PHACTR3: variants seen among roughly 807,000 people sequenced by gnomAD.
PHACTR3 encodes protein phosphatase 1, regulatory subunit 123.
In PHACTR3, 16 loss-of-function variants were observed where a neutral mutation model predicts 66.8. The observed-to-expected ratio is 0.24, with a 90% CI of 0.16 to 0.36. PHACTR3 has a LOEUF of 0.36. Ranked by LOEUF, PHACTR3 falls within the 10% of genes least tolerant of loss-of-function variation. PHACTR3 has a pLI of 1.00. For synonymous variants in PHACTR3, 323 were observed against 292.1 expected, an observed-to-expected ratio of 1.11 and a Z score of -1.08; for missense variants, 647 against 719.9, an observed-to-expected ratio of 0.90 and a Z score of 1.16.
rs536032943 is a variant in PHACTR3 at position 59,805,984 on chromosome 20, G to A, written c.1175-57G>A. ...GGCTCCATTGACAAGCCAGCCCTCC[G>A]CTAAGACCTGTCTCCTTTGTTCCCT... On this transcript the variant is annotated intron_variant, in intron 7 of 12. Coordinates refer to ENST00000371015, the MANE Select transcript of PHACTR3 (RefSeq NM_080672.5). 9 of 1,561,514 alleles carry A rather than the reference G, an allele frequency of 5.8e-6. No individual in the cohort carries two copies. The South Asian group carries it at 7.3e-5, about 13-fold the overall frequency.
intron 8 of PHACTR3, among the ~76,000 whole-genome samples, chr20:59,817,287 G>C (rs961192575): frequency 1.3e-5 from 2 of 152,178 alleles, no homozygotes; most frequent in Non-Finnish European, 2.9e-5. Flanking sequence ...TCCAGGCCAG[G>C]GTCTGCATAC....
chr20:59,646,696 C>T (rs2035291776), intron 1 of PHACTR3, among the ~76,000 whole-genome samples: 2 of 152,310 alleles, frequency 1.3e-5, no homozygotes, highest in South Asian at 4.1e-4. Context: ...CATGCATCCC[C>T]CAGGAACATG....
chr20:59,826,074 T>C (rs2042182488), intron 8 of PHACTR3, among the ~76,000 whole-genome samples: 2 of 152,016 alleles, frequency 1.3e-5, no homozygotes, highest in African/African-American at 4.8e-5. Context: ...AATGGATTTT[T>C]GTTGTTTATA....
At chr20:59,628,665 G>C (rs2034552829) in intron 1 of PHACTR3, 1 of 985,248 alleles carries the variant, frequency 1.0e-6, no homozygotes, top group Non-Finnish European at 1.2e-6. Flanking sequence ...CCTGACTCCT[G>C]GTTGGTCTCA....
intron 1 of PHACTR3, among the ~76,000 whole-genome samples, chr20:59,729,247 G>A (rs146995428): frequency 1.3e-5 from 2 of 152,278 alleles, no homozygotes; most frequent in Non-Finnish European, 2.9e-5. Context: ...GGGGGAGTCA[G>A]GGCAGGGCGG....
At chr20:59,724,685 C>A (rs1396580186) in intron 1 of PHACTR3, among the ~76,000 whole-genome samples, 2 of 152,260 alleles carry the variant, frequency 1.3e-5, no homozygotes, top group African/African-American at 4.8e-5. Flanking sequence ...GTTAGCTGAT[C>A]GTTTTCACCT....
At chr20:59,780,510 C>T (rs2146920272) in intron 7 of PHACTR3, among the ~76,000 whole-genome samples, 1 of 152,320 alleles carries the variant, frequency 6.6e-6, no homozygotes, top group South Asian at 2.1e-4. Context: ...CTCTCTAAGG[C>T]CCCTTTCCTA....
intron 1 of PHACTR3, among the ~76,000 whole-genome samples, chr20:59,692,444 G>A (rs544097411): frequency 2.0e-5 from 3 of 152,336 alleles, no homozygotes; most frequent in Admixed American, 2.0e-4. Context: ...TGGGCTTGTG[G>A]TTTGGTTGTG....
At chr20:59,740,790 G>T (rs1172432425) in intron 1 of PHACTR3, among the ~76,000 whole-genome samples, 1 of 152,234 alleles carries the variant, frequency 6.6e-6, no homozygotes, top group Non-Finnish European at 1.5e-5. Context: ...TCTAGAGGCT[G>T]CCAGGCAGGC....
At chr20:59,661,072 G>A (rs1261470419) in intron 1 of PHACTR3, among the ~76,000 whole-genome samples, 2 of 152,192 alleles carry the variant, frequency 1.3e-5, no homozygotes, top group African/African-American at 2.4e-5. Flanking sequence ...TTTAAAGTGG[G>A]CAGTGGATTA....
At chr20:59,761,350 A>G (rs2039987846) in intron 4 of PHACTR3, among the ~76,000 whole-genome samples, 1 of 152,066 alleles carries the variant, frequency 6.6e-6, no homozygotes, top group Non-Finnish European at 1.5e-5. Context: ...CGAGTGGAGG[A>G]ACCTCATCTG....
chr20:59,824,786 C>T (rs879467420), intron 8 of PHACTR3, among the ~76,000 whole-genome samples: 32 of 152,038 alleles, frequency 2.1e-4, no homozygotes, highest in African/African-American at 5.8e-4. Flanking sequence ...AGTGGGGGGG[C>T]GGGGGGAGGG....
At chr20:59,707,488 T>A (rs1266700123) in intron 1 of PHACTR3, among the ~76,000 whole-genome samples, 1 of 121,982 alleles carries the variant, frequency 8.2e-6, no homozygotes, top group African/African-American at 3.1e-5. Context: ...TGAGGCGGAG[T>A]CTCTCTCTGT....
chr20:59,773,518 G>A (rs1018430331), intron 6 of PHACTR3, 65 bp downstream of exon 6: 6 of 1,486,330 alleles, frequency 4.0e-6, no homozygotes, highest in South Asian at 1.3e-5. Context: ...GCCTCAGGCT[G>A]TGCAGCTCAT....
At chr20:59,598,884 C>A (rs563286081) in intron 1 of PHACTR3, among the ~76,000 whole-genome samples, 1 of 152,182 alleles carries the variant, frequency 6.6e-6, no homozygotes, top group Non-Finnish European at 1.5e-5. Context: ...GGTGGTTTTG[C>A]CTTCATCTTT....
intron 1 of PHACTR3, among the ~76,000 whole-genome samples, chr20:59,584,788 C>G (rs1440845921): frequency 6.6e-6 from 1 of 152,184 alleles, no homozygotes; most frequent in Non-Finnish European, 1.5e-5. Flanking sequence ...CAAGGCCCAG[C>G]AGCGAGACCT....
intron 1 of PHACTR3, among the ~76,000 whole-genome samples, chr20:59,686,274 C>G (rs1216959542): frequency 6.6e-6 from 1 of 152,134 alleles, no homozygotes; most frequent in African/African-American, 2.4e-5. Context: ...GGTCTTGGTC[C>G]CTAGTATTTA....
chr20:59,750,535 G>A (rs1208043474), intron 3 of PHACTR3, among the ~76,000 whole-genome samples: 4 of 152,188 alleles, frequency 2.6e-5, no homozygotes, highest in Admixed American at 2.6e-4. Flanking sequence ...GGTGGGTTGG[G>A]TTGGAGGAAA....
At chr20:59,703,810 G>GC (rs1176286744) in intron 1 of PHACTR3, among the ~76,000 whole-genome samples, 3 of 152,078 alleles carry the variant, frequency 2.0e-5, no homozygotes, top group African/African-American at 7.2e-5. Context: ...GACACTCAGT[G>GC]CCAATTTACT....
Sources: gnomAD v4.1 joint callset for allele counts (sites outside exome capture counted in the v4.1 genomes callset) on GRCh38, gnomAD v4.1.1 for gene constraint, MANE v1.5 for transcripts, NCBI Gene and HGNC (gene_info 2026-07-23, HGNC 2026-07-21) for gene names.